The following DNAJC5B variants were observed in gnomAD, a reference collection of about 807,000 sequenced individuals.
DNAJC5B encodes the protein DnaJ heat shock protein family (Hsp40) member C5 beta.
A neutral mutation model predicts 24.7 loss-of-function variants in DNAJC5B; 23 were observed. The ratio of observed to expected loss-of-function variants is 0.93; its 90% CI spans 0.67 to 1.32. DNAJC5B has a LOEUF of 1.32. DNAJC5B is among the 40% of genes most tolerant of loss of function. The pLI is 0.00. For synonymous variants in DNAJC5B, 101 were observed against 90.1 expected, an observed-to-expected ratio of 1.12 and a Z score of -0.68; for missense variants, 238 against 240.8, an observed-to-expected ratio of 0.99 and a Z score of 0.08.
intron 5 of DNAJC5B, among the ~76,000 whole-genome samples, chr8:66,081,405 T>C (rs28577932): frequency 0.041 from 6,247 of 152,054 alleles, 443 homozygotes; most frequent in African/African-American, 0.14. Context: ...TATCACTGAA[T>C]CCCCAAAAAA....
At chr8:66,056,038 A>G (rs900375905) in intron 3 of DNAJC5B, among the ~76,000 whole-genome samples, 2 of 152,178 alleles carry the variant, frequency 1.3e-5, no homozygotes, top group African/African-American at 4.8e-5. Context: ...CACAACTAAA[A>G]ACCTTGGAAA....
intron 3 of DNAJC5B, among the ~76,000 whole-genome samples, chr8:66,066,178 G>A (rs1206791750): frequency 1.3e-5 from 2 of 152,092 alleles, no homozygotes; most frequent in Non-Finnish European, 2.9e-5. Flanking sequence ...ACCACAATGA[G>A]GTATCGCCTT....
intron 5 of DNAJC5B, among the ~76,000 whole-genome samples, chr8:66,086,106 T>G (rs1563610369): frequency 6.6e-6 from 1 of 152,230 alleles, no homozygotes; most frequent in Non-Finnish European, 1.5e-5. Flanking sequence ...ATTGCAAGTA[T>G]TTACAATTTC....
Position 66,100,272 on chromosome 8 carries a change from C to T in DNAJC5B, c.*241C>T. ...TAAAGGCCTGAAGAGTTATTTTACC[C>T]TCCTTGCCTGATGTAGGACAGTGGA... On this transcript the variant is annotated 3_prime_UTR_variant, in exon 6 of 6. Transcript: ENST00000276570. 2.4e-6 allele frequency: 1 copy of T among 412,552 alleles called. No homozygotes were observed. The highest frequency in any genetic ancestry group is 3.7e-5 in the South Asian group (1 of 26,954). The allele number at this position is 412,552 out of a possible 1,614,324, so 25.6% of individuals were successfully genotyped here. A position where few individuals can be genotyped will look rare whatever the true frequency, so the allele number is the denominator to read the frequency against.
intron 4 of DNAJC5B, 92 bp downstream of exon 4, chr8:66,076,965 C>CTT: frequency 7.4e-7 from 1 of 1,347,642 alleles, no homozygotes; most frequent in Non-Finnish European, 1.0e-6. Context: ...TCTAACCTTC[C>CTT]TGCTATTAAA....
intron 1 of DNAJC5B, among the ~76,000 whole-genome samples, chr8:66,028,886 C>T (rs765596897): frequency 2.6e-5 from 4 of 152,220 alleles, no homozygotes; most frequent in Admixed American, 6.5e-5. Flanking sequence ...GAGGACTAAA[C>T]TCCTTTGCTT....
chr8:66,058,259 A>T (rs929411522), intron 3 of DNAJC5B, among the ~76,000 whole-genome samples: 3 of 152,128 alleles, frequency 2.0e-5, no homozygotes, highest in Non-Finnish European at 4.4e-5. Flanking sequence ...GTTTCCCATC[A>T]AGTCTGTCTT....
At position 66,022,046 on chromosome 8, in the gene DNAJC5B, A is replaced by G. The variant is rs555492210; in HGVS notation, c.-142+341A>G. ...GTAATAAAAGGTGCAAAGTTGTATT[A>G]TGGGTTAGCAAGCAAGACTGACTCT... On this transcript the variant is annotated intron_variant, in intron 1 of 5. Coordinates refer to ENST00000276570, the MANE Select transcript of DNAJC5B (RefSeq NM_033105.6). Among the ~76,000 whole-genome samples the G allele has an allele frequency of 4.3e-4, 66 of 152,350 alleles. 1 individual carries two copies. The highest frequency in any genetic ancestry group is 3.4e-3 in the Middle Eastern group (1 of 294).
At chr8:66,056,089 AAG>A (rs890393671) in intron 3 of DNAJC5B, among the ~76,000 whole-genome samples, 24 of 152,330 alleles carry the variant, frequency 1.6e-4, no homozygotes, top group African/African-American at 5.5e-4. Context: ...GAAAGGTAGA[AAG>A]AGAAAGGTTA....
At chr8:66,041,138 T>C (rs1186522073) in intron 1 of DNAJC5B, among the ~76,000 whole-genome samples, 1 of 152,224 alleles carries the variant, frequency 6.6e-6, no homozygotes, top group Non-Finnish European at 1.5e-5. Flanking sequence ...TTTATCTCTT[T>C]GAAATTTACA....
upstream of DNAJC5B, among the ~76,000 whole-genome samples, chr8:66,016,673 A>G (rs565376512): frequency 2.6e-5 from 4 of 152,344 alleles, no homozygotes; most frequent in African/African-American, 9.6e-5. Flanking sequence ...GTTTCAACAT[A>G]TGAATTTTGT....
At chr8:66,098,962 A>G (rs936022636) in intron 5 of DNAJC5B, among the ~76,000 whole-genome samples, 2 of 151,600 alleles carry the variant, frequency 1.3e-5, no homozygotes, top group African/African-American at 4.8e-5. Context: ...CATTGTTTCC[A>G]TATGTAATCT....
intron 1 of DNAJC5B, among the ~76,000 whole-genome samples, chr8:66,042,081 C>T (rs1243550403): frequency 6.6e-6 from 1 of 152,160 alleles, no homozygotes; most frequent in African/African-American, 2.4e-5. Flanking sequence ...AGCATCTCTC[C>T]AAAGTCTCAC....
chr8:66,061,254 C>T (rs1401054661), intron 3 of DNAJC5B, among the ~76,000 whole-genome samples: 1 of 151,986 alleles, frequency 6.6e-6, no homozygotes, highest in African/African-American at 2.4e-5. Flanking sequence ...GAATAGCCAC[C>T]GCACTCCAGC....
chr8:66,020,574 A>ATAT (rs1806085482), upstream of DNAJC5B, among the ~76,000 whole-genome samples: 2 of 148,814 alleles, frequency 1.3e-5, no homozygotes, highest in Non-Finnish European at 3.0e-5. Context: ...AGAACCTGGT[A>ATAT]TAGCGCTGTA....
At chr8:66,082,949 G>A (rs1807629851) in intron 5 of DNAJC5B, among the ~76,000 whole-genome samples, 1 of 147,660 alleles carries the variant, frequency 6.8e-6, no homozygotes. Context: ...CACATCCATT[G>A]ATTGCTTCTT....
intron 5 of DNAJC5B, among the ~76,000 whole-genome samples, chr8:66,092,844 G>A (rs752902715): frequency 5.9e-5 from 9 of 151,596 alleles, no homozygotes; most frequent in African/African-American, 1.5e-4. Context: ...TTTTAGATTC[G>A]TGGGTACATG....
chr8:66,057,838 G>T (rs987855125), intron 3 of DNAJC5B: 1 of 152,188 alleles, frequency 6.6e-6, no homozygotes, highest in African/African-American at 2.4e-5. Flanking sequence ...TATATTTCAC[G>T]AGTGAATGGG....
At chr8:66,080,003 G>A (rs533993229) in intron 4 of DNAJC5B, among the ~76,000 whole-genome samples, 2 of 152,200 alleles carry the variant, frequency 1.3e-5, no homozygotes, top group African/African-American at 4.8e-5. Context: ...CCTGGGCAGG[G>A]GGCTTGCTAA....
Sources: gnomAD v4.1 joint callset for allele counts (sites outside exome capture counted in the v4.1 genomes callset) on GRCh38, gnomAD v4.1.1 for gene constraint, MANE v1.5 for transcripts, NCBI Gene and HGNC (gene_info 2026-07-23, HGNC 2026-07-21) for gene names.